PRAMEF11: variants seen among roughly 807,000 people sequenced by gnomAD.
The protein encoded by PRAMEF11 is PRAME family member 11.
In PRAMEF11, 17 loss-of-function variants were observed where a neutral mutation model predicts 33.6. The ratio of observed to expected loss-of-function variants is 0.51; its 90% CI spans 0.35 to 0.76. The LOEUF (loss-of-function observed/expected upper bound fraction) is 0.76. PRAMEF11 is among the 30% of genes least tolerant of loss of function. The pLI, the probability that PRAMEF11 is intolerant of heterozygous loss-of-function variation, is 0.01. For synonymous variants in PRAMEF11, 205 were observed against 227.3 expected (o/e 0.90, Z 0.88); for missense variants, 568 against 567.0 (o/e 1.00, Z -0.02).
chr1:12,829,309 CCCTT>C (rs1244011906), intron 1 of PRAMEF11, among the ~76,000 whole-genome samples: 1 of 135,544 alleles, frequency 7.4e-6, no homozygotes, highest in Non-Finnish European at 1.6e-5. Context: ...CTCTCTCCCT[CCCTT>C]CTTTCTTTCT....
intron 2 of PRAMEF11, among the ~76,000 whole-genome samples, 162 bp from the exon 3 acceptor site, chr1:12,827,992 T>A (rs1192525979): frequency 2.4e-5 from 3 of 122,708 alleles, no homozygotes; most frequent in Non-Finnish European, 3.5e-5. Context: ...CACATTTTTT[T>A]GTTTTTTTTT....
intron 1 of PRAMEF11, among the ~76,000 whole-genome samples, chr1:12,830,877 T>A (rs1156233126): frequency 1.3e-5 from 2 of 150,460 alleles, no homozygotes; most frequent in African/African-American, 2.4e-5. Flanking sequence ...TGACACCAGC[T>A]TCTGAGGATG....
rs770792042 is a variant in PRAMEF11 at position 12,827,610 on chromosome 1, A to G, written c.514T>C (p.Trp172Arg). Residue 172 changes from tryptophan to arginine, a missense_variant, in exon 3 of 4, where the codon TGG becomes CGG. Trp to Arg is a moderately radical substitution (Grantham distance 101). Transcript: ENST00000619922. ...AGTAAATCTCTCCTCTGCTTGACCC[A>G]TAGAAGGAGGCAGGTGAGGTATTCA... ...LDEYLTCLLLWVKQRRDLLHL... is the reference protein window; with the variant it reads ...LDEYLTCLLLRVKQRRDLLHL... 11 of 1,609,430 alleles carry G rather than the reference A, an allele frequency of 6.8e-6. No individual in the cohort carries two copies. Among genetic ancestry groups the G allele is most frequent in the East Asian group, 2.3e-5 (1 of 44,388 alleles).
chr1:12,825,000 C>A lies in PRAMEF11; in HGVS notation c.1379G>T (p.Cys460Phe), dbSNP rs1569779109. The change falls in exon 4 of 4, where the codon TGC (cysteine) becomes TTC (phenylalanine). Residue 460 changes from cysteine to phenylalanine, a missense_variant. Cys to Phe is a radical substitution (Grantham distance 205, BLOSUM62 -2). This residue lies in a region of PRAMEF11 where 174 missense variants were observed against 127.2 expected (regional missense o/e 1.37). Transcript: ENST00000619922. ...AAATGACCTGTCGCCATGGTCAGGG[C>A]AGTTGTCAGTACAGAACAAGATCCT... ...PKRILFCTDN[C>F]PDHGDRSFYD... 5.0e-6 allele frequency: 8 copies of A among 1,609,682 alleles called. 1 individual carries two copies. The South Asian group carries it at 6.6e-5, about 13-fold the overall frequency.
chr1:12,826,957 C>G (rs1639881878), intron 3 of PRAMEF11, among the ~76,000 whole-genome samples: 1 of 151,138 alleles, frequency 6.6e-6, no homozygotes, highest in Non-Finnish European at 1.5e-5. Flanking sequence ...AGACACACAT[C>G]CTCAGGAAGA....
Position 12,828,767 on chromosome 1 carries a change from G to T in PRAMEF11, c.23C>A (p.Pro8Gln), listed in dbSNP as rs774351074. 1 of 1,609,758 alleles carries T rather than the reference G, an allele frequency of 6.2e-7. No homozygotes were observed. The highest frequency in any genetic ancestry group is 8.5e-7 in the Non-Finnish European group (1 of 1,178,034). ...CCCCGCAAGCTCCAGGAGTCTGGGTGGAATCCGGATGCTCATCTTCATGAA... is the reference window on the plus strand; with the variant it reads ...CCCCGCAAGCTCCAGGAGTCTGGGTTGAATCCGGATGCTCATCTTCATGAA... Reference protein sequence around the residue: MKMSIRIPPRLLELAGRS... With the variant: MKMSIRIQPRLLELAGRS... Residue 8 changes from proline (P) to glutamine (Q), a missense_variant, in exon 2 of 4, where the codon CCA becomes CAA. Around this residue, in one of 3 missense-constraint regions of PRAMEF11, gnomAD observed 342 missense variants for 312.0 expected, o/e 1.10. Transcript: ENST00000619922.
intron 1 of PRAMEF11, among the ~76,000 whole-genome samples, chr1:12,830,193 T>C (rs973221390): frequency 1.3e-5 from 2 of 151,484 alleles, no homozygotes; most frequent in African/African-American, 4.8e-5. Flanking sequence ...ATCAAAATAT[T>C]TCAGAGTTAA....
In PRAMEF11 at chr1:12,824,721, T is replaced by C; in HGVS notation, c.*221A>G. The C allele has an allele frequency of 3.0e-6, 2 of 659,648 alleles. No individual in the cohort carries two copies. The highest frequency in any genetic ancestry group is 3.2e-5 in the East Asian group (1 of 31,686). 40.9% of individuals were successfully genotyped at this position (659,648 alleles called of 1,614,324 possible). On this transcript the variant is annotated 3_prime_UTR_variant, in exon 4 of 4. Coordinates refer to ENST00000619922, the MANE Select transcript of PRAMEF11 (RefSeq NM_001146344.3). The stretch of plus-strand genomic sequence containing the variant: ...CACTCTAGACATTCAGATTCCCATT[T>C]TCGACTCTACAGGATACAGGTTCCC...
intron 2 of PRAMEF11, among the ~76,000 whole-genome samples, chr1:12,828,146 C>G (rs1230472670): frequency 2.0e-5 from 3 of 149,556 alleles, no homozygotes; most frequent in African/African-American, 7.4e-5. Flanking sequence ...CCACCATGCC[C>G]AGCTAATTTT....
Position 12,828,741 on chromosome 1 carries a change from G to C in PRAMEF11, c.49C>G (p.Arg17Gly), listed in dbSNP as rs749201357. ...IPPRLLELAG[R>G]SLLRDQALAV... ...AAGGCTTGGTCCCTCAGCAGGCTCC[G>C]CCCCGCAAGCTCCAGGAGTCTGGGT... The change falls in exon 2 of 4, where the codon CGG becomes GGG. Residue 17 changes from arginine to glycine, a missense_variant. Around this residue, in one of 3 missense-constraint regions of PRAMEF11, gnomAD observed 342 missense variants for 312.0 expected, o/e 1.10. Transcript: ENST00000619922. 6.2e-7 allele frequency: 1 copy of C among 1,610,054 alleles called. No individual in the cohort carries two copies. The highest frequency in any genetic ancestry group is 8.5e-7 in the Non-Finnish European group (1 of 1,178,022).
At position 12,827,833 on chromosome 1, in the gene PRAMEF11, G is replaced by C; in HGVS notation, c.294-3C>G. ...CCAGCACTTGAAGTTTCCATCTCCT[G>C]TGGGAAAATAGAGGTGAGACTGAGA... On this transcript the variant is annotated splice_polypyrimidine_tract_variant and splice_region_variant and intron_variant, in intron 2 of 3. Transcript: ENST00000619922. 1 of 1,606,890 alleles carries C rather than the reference G, an allele frequency of 6.2e-7. No homozygotes were observed. The highest frequency in any genetic ancestry group is 8.5e-7 in the Non-Finnish European group (1 of 1,177,890).
chr1:12,825,457 G>A lies in PRAMEF11; in HGVS notation c.922C>T (p.Leu308Phe). ...AGATGCTTCAAGTCTGATTCCAAAA[G>A]CACACAGTTAGTTATTGTGAGGACC... ...LKVLTITNCV[L>F]LESDLKHLSQ... Residue 308 changes from leucine (L) to phenylalanine (F), a missense_variant, in exon 4 of 4, where the codon CTT becomes TTT. Physicochemically the swap from Leu to Phe is conservative, Grantham distance 22 (BLOSUM62 0). Coordinates refer to ENST00000619922, the MANE Select transcript of PRAMEF11 (RefSeq NM_001146344.3). 3 of 1,122,734 alleles carry A rather than the reference G, an allele frequency of 2.7e-6. No individual in the cohort carries two copies. Among genetic ancestry groups the A allele is most frequent in the African/African-American group, 1.6e-5 (1 of 61,096 alleles). The allele number at this position is 1,122,734 out of a possible 1,614,324, so 69.5% of individuals were successfully genotyped here.
rs1344066587 is a variant in PRAMEF11, at chr1:12,824,683, C to T, written c.*259G>A. 1 of 510,472 alleles carries T rather than the reference C, an allele frequency of 2.0e-6. No homozygotes were observed. Among genetic ancestry groups the T allele is most frequent in the Admixed American group, 3.5e-5 (1 of 28,768 alleles). The allele number at this position is 510,472 out of a possible 1,614,324, so 31.6% of individuals were successfully genotyped here. On this transcript the variant is annotated 3_prime_UTR_variant, in exon 4 of 4. Coordinates refer to ENST00000619922, the MANE Select transcript of PRAMEF11 (RefSeq NM_001146344.3). ...CAAGAGTAACTCCCTCATGTATTCT[C>T]AAGCCTGAATTCCACTCTAGACATT...
At position 12,827,579 on chromosome 1, in the gene PRAMEF11, A is replaced by G; in HGVS notation, c.545T>C (p.Leu182Pro). The G allele has an allele frequency of 8.1e-6, 13 of 1,609,660 alleles. 1 individual carries two copies. Among genetic ancestry groups the G allele is most frequent in the Non-Finnish European group, 1.1e-5 (13 of 1,177,728 alleles). The stretch of plus-strand genomic sequence containing the variant: ...CAAAATTTTCAGCTTCTTACAGCAC[A>G]GGTGTAGTAAATCTCTCCTCTGCTT... ...WVKQRRDLLH[L>P]CCKKLKILGM... The change falls in exon 3 of 4, where the codon CTG becomes CCG. Residue 182 changes from leucine (L) to proline (P), a missense_variant. Around this residue, in one of 3 missense-constraint regions of PRAMEF11, gnomAD observed 342 missense variants for 312.0 expected, o/e 1.10. Coordinates refer to ENST00000619922, the MANE Select transcript of PRAMEF11 (RefSeq NM_001146344.3).
In PRAMEF11 at chr1:12,830,453, T is replaced by C. The variant is rs200164719; in HGVS notation, c.-17+903A>G. 1.0e-3 allele frequency among the ~76,000 whole-genome samples: 154 copies of C among 151,354 alleles called. 5 individuals carry two copies. The highest frequency in any genetic ancestry group is 3.6e-3 in the African/African-American group (150 of 41,404). ...CAGGCATGCACCCCCCACAGCCATGTCTCCATTTGGGTGGAAGAGGATGTG... is the reference window on the plus strand; with the variant it reads ...CAGGCATGCACCCCCCACAGCCATGCCTCCATTTGGGTGGAAGAGGATGTG... On this transcript the variant is annotated intron_variant, in intron 1 of 3. Coordinates refer to ENST00000619922, the MANE Select transcript of PRAMEF11 (RefSeq NM_001146344.3).
chr1:12,825,192 G>A lies in PRAMEF11; in HGVS notation c.1187C>T (p.Thr396Ile), dbSNP rs753627181. The A allele has an allele frequency of 3.7e-6, 6 of 1,608,306 alleles. No individual in the cohort carries two copies. In the Admixed American group the frequency reaches 8.4e-5, roughly 22 times the overall value. The change falls in exon 4 of 4, where the codon ACC (threonine) becomes ATC (isoleucine). Residue 396 changes from threonine (T) to isoleucine (I), a missense_variant. By Grantham distance (89) the Thr-to-Ile change is moderately conservative. Transcript: ENST00000619922. ...SFCGNPICMA[T>I]LENLLSHTII... Reference sequence around the variant, plus strand: ...TGTGTGGCTCAGCAGGTTCTCCAGGGTGGCCATGCAGATGGGATTTCCACA... The same window carrying A: ...TGTGTGGCTCAGCAGGTTCTCCAGGATGGCCATGCAGATGGGATTTCCACA...
chr1:12,827,600 T>G lies in PRAMEF11; in HGVS notation c.524A>C (p.Gln175Pro). The G allele has an allele frequency of 6.2e-7, 1 of 1,609,576 alleles. No individual in the cohort carries two copies. The highest frequency in any genetic ancestry group is 8.5e-7 in the Non-Finnish European group (1 of 1,177,678). Residue 175 changes from glutamine to proline, a missense_variant, in exon 3 of 4, where the codon CAG (glutamine) becomes CCG (proline). Transcript: ENST00000619922. ...GCACAGGTGTAGTAAATCTCTCCTC[T>G]GCTTGACCCATAGAAGGAGGCAGGT... is the stretch of plus-strand genomic sequence containing the variant. Reference protein sequence around the residue: ...YLTCLLLWVKQRRDLLHLCCK... With the variant: ...YLTCLLLWVKPRRDLLHLCCK...
rs1240314637 is a variant in PRAMEF11, at chr1:12,827,774, A to T, written c.350T>A (p.Val117Asp). 1.2e-6 allele frequency: 2 copies of T among 1,608,830 alleles called. No homozygotes were observed. The highest frequency in any genetic ancestry group is 8.5e-7 in the Non-Finnish European group (1 of 1,178,296). ...LQDVCENFWM[V>D]WSEAMAHGCF... ...CCCATGGGCCATAGCTTCAGACCAA[A>T]CCATCCAGAAGTTCTCACAGACATC... Residue 117 changes from valine (V) to aspartate (D), a missense_variant, in exon 3 of 4, where the codon GTT becomes GAT. Val to Asp is a radical substitution (Grantham distance 152). Around this residue, in one of 3 missense-constraint regions of PRAMEF11, gnomAD observed 342 missense variants for 312.0 expected, o/e 1.10. Transcript: ENST00000619922.
In PRAMEF11 at chr1:12,827,849, G is replaced by C; in HGVS notation, c.294-19C>G. The C allele has an allele frequency of 6.2e-7, 1 of 1,605,550 alleles. No homozygotes were observed. Among genetic ancestry groups the C allele is most frequent in the Non-Finnish European group, 8.5e-7 (1 of 1,177,920 alleles). ...CCATCTCCTGTGGGAAAATAGAGGT[G>C]AGACTGAGAATTTAAGAACTCATTT... is the stretch of plus-strand genomic sequence containing the variant. On this transcript the variant is annotated intron_variant, in intron 2 of 3. Coordinates refer to ENST00000619922, the MANE Select transcript of PRAMEF11 (RefSeq NM_001146344.3).
Sources: gnomAD v4.1 joint callset for allele counts (sites outside exome capture counted in the v4.1 genomes callset) on GRCh38, gnomAD v4.1.1 for gene constraint, gnomAD v4.1.1 regional missense constraint, MANE v1.5 for transcripts, NCBI Gene and HGNC (gene_info 2026-07-23, HGNC 2026-07-21) for gene names.